The following TEX29 variants were observed in gnomAD, a reference collection of about 807,000 sequenced individuals.
TEX29 encodes the protein testis expressed 29, also known as testis-expressed protein 29.
A neutral mutation model predicts 18.2 loss-of-function variants in TEX29; 26 were observed. The ratio of observed to expected loss-of-function variants is 1.43; its 90% confidence interval spans 1.04 to 1.98. The LOEUF (loss-of-function observed/expected upper bound fraction) is 1.98. TEX29 is among the 30% of genes most tolerant of loss of function. The pLI is 0.00. For missense variants in TEX29, 177 were observed against 194.2 expected (o/e 0.91, Z 0.53); for synonymous variants, 83 against 78.5 (o/e 1.06, Z -0.31).
At chr13:111,318,896 CT>C (rs1247280174), upstream of TEX29, among the ~76,000 whole-genome samples, 2 of 152,224 alleles carry the variant, frequency 1.3e-5, no homozygotes, top group African/African-American at 4.8e-5. Flanking sequence ...ACAGCGGACA[CT>C]TTTTGCTCAC....
chr13:111,334,095 A>G (rs1421594245), intron 3 of TEX29, among the ~76,000 whole-genome samples: 2 of 152,182 alleles, frequency 1.3e-5, no homozygotes, highest in African/African-American at 4.8e-5. Flanking sequence ...GATGATTTCT[A>G]TTAATGGCAT....
chr13:111,322,859 G>A (rs1225270465), intron 2 of TEX29, among the ~76,000 whole-genome samples: 5 of 152,164 alleles, frequency 3.3e-5, no homozygotes, highest in African/African-American at 1.2e-4. Flanking sequence ...CTGGCTTGGA[G>A]TTGGCTCAGG....
chr13:111,318,809 G>A (rs1379937417), upstream of TEX29, among the ~76,000 whole-genome samples: 2 of 152,244 alleles, frequency 1.3e-5, no homozygotes, highest in African/African-American at 4.8e-5. Flanking sequence ...CAGGTCCTCA[G>A]AGGGTGAAAC....
chr13:111,317,819 G>A (rs1039312596), upstream of TEX29, among the ~76,000 whole-genome samples: 3 of 152,136 alleles, frequency 2.0e-5, no homozygotes, highest in African/African-American at 7.2e-5. Context: ...GGGCTCGCAG[G>A]CGCCTTGCTC....
intron 5 of TEX29, 139 bp from the exon 6 acceptor site, chr13:111,343,944 G>A (rs1229122591): frequency 1.4e-6 from 1 of 711,504 alleles, no homozygotes; most frequent in Non-Finnish European, 2.5e-6. Context: ...GGAGGATACG[G>A]CCATCCCCAA....
At chr13:111,326,683 G>GTA (rs1595686579) in intron 2 of TEX29, among the ~76,000 whole-genome samples, 77 of 33,866 alleles carry the variant, frequency 2.3e-3, no homozygotes, top group East Asian at 4.8e-3. Context: ...TGCGGGCAAC[G>GTA]TGAGCCTGGC....
intron 3 of TEX29, among the ~76,000 whole-genome samples, chr13:111,332,913 A>T (rs1290696259): frequency 6.6e-6 from 1 of 152,186 alleles, no homozygotes; most frequent in African/African-American, 2.4e-5. Flanking sequence ...GGTATTTCGT[A>T]TAAAGAAGCT....
chr13:111,329,192 C>G (rs910209435), intron 3 of TEX29, among the ~76,000 whole-genome samples: 8 of 151,958 alleles, frequency 5.3e-5, no homozygotes, highest in Non-Finnish European at 1.0e-4. Flanking sequence ...GAGGGGTGGA[C>G]AGCAGCACGG....
At chr13:111,319,252 A>G (rs1255999566), upstream of TEX29, among the ~76,000 whole-genome samples, 4 of 152,210 alleles carry the variant, frequency 2.6e-5, no homozygotes, top group African/African-American at 7.2e-5. Context: ...ATCTACGTCC[A>G]CACAGAAACT....
intron 2 of TEX29, among the ~76,000 whole-genome samples, chr13:111,322,379 G>A (rs2153641184): frequency 6.6e-6 from 1 of 152,376 alleles, no homozygotes; most frequent in South Asian, 2.1e-4. Flanking sequence ...GCAAGCACGG[G>A]GGAGAAAGCG....
chr13:111,329,020 C>T (rs536233956), intron 3 of TEX29, among the ~76,000 whole-genome samples: 1 of 152,230 alleles, frequency 6.6e-6, no homozygotes, highest in Non-Finnish European at 1.5e-5. Context: ...TGGGCTCCCA[C>T]CTCCTCAGCA....
intron 2 of TEX29, among the ~76,000 whole-genome samples, chr13:111,327,007 C>T (rs1480953990): frequency 6.6e-6 from 1 of 152,150 alleles, no homozygotes; most frequent in Non-Finnish European, 1.5e-5. Flanking sequence ...CCCCAGGCCC[C>T]TCTGAGCCTG....
intron 3 of TEX29, among the ~76,000 whole-genome samples, chr13:111,336,824 C>T (rs375322548): frequency 2.6e-5 from 4 of 152,174 alleles, no homozygotes; most frequent in Non-Finnish European, 2.9e-5. Flanking sequence ...AGACACTGTA[C>T]GGAGCGCATC....
Position 111,320,685 on chromosome 13 carries a change from C to G in TEX29, c.-112C>G, listed in dbSNP as rs938385070. On this transcript the variant is annotated 5_prime_UTR_variant, in exon 1 of 6. Transcript: ENST00000283547. ...AGGGGTGGCCAGTTTGTTGTTTTACCTAAAAGGTGTTTTCCACGTGGAGTG... is the reference window on the plus strand; with the variant it reads ...AGGGGTGGCCAGTTTGTTGTTTTACGTAAAAGGTGTTTTCCACGTGGAGTG... 1.6e-6 allele frequency: 1 copy of G among 634,566 alleles called. No homozygotes were observed. Among genetic ancestry groups the G allele is most frequent in the Non-Finnish European group, 2.8e-6 (1 of 351,592 alleles). The allele number at this position is 634,566 out of a possible 1,614,324, so 39.3% of individuals were successfully genotyped here.
upstream of TEX29, among the ~76,000 whole-genome samples, chr13:111,320,052 T>C (rs2093661262): frequency 6.6e-6 from 1 of 152,162 alleles, no homozygotes; most frequent in East Asian, 1.9e-4. Flanking sequence ...CTCGGCTCCT[T>C]GTGTCTCTCA....
chr13:111,339,743 G>T, intron 3 of TEX29, 120 bp from the exon 4 acceptor site: 2 of 909,950 alleles, frequency 2.2e-6, no homozygotes, highest in Non-Finnish European at 3.6e-6. Flanking sequence ...GAGGAGTGCT[G>T]ACCATGGGCA....
rs143847844 is a variant in TEX29, at chr13:111,333,729, C to G, written c.169+5436C>G. Among the ~76,000 whole-genome samples the G allele has an allele frequency of 5.2e-4, 79 of 151,874 alleles. 1 individual carries two copies. Among genetic ancestry groups the G allele is most frequent in the African/African-American group, 1.2e-3 (48 of 41,168 alleles). On this transcript the variant is annotated intron_variant, in intron 3 of 5. Transcript: ENST00000283547. ...AGGCCTCAGGAAACTTACAATCATG[C>G]CAGAAGGCAAAGGTGAAGCAAGACA...
In TEX29 at chr13:111,332,858, C is replaced by T. The variant is rs184509799; in HGVS notation, c.169+4565C>T. Among the ~76,000 whole-genome samples the T allele has an allele frequency of 2.5e-3, 384 of 152,214 alleles. 1 individual carries two copies. The highest frequency in any genetic ancestry group is 8.5e-3 in the African/African-American group (355 of 41,536). On this transcript the variant is annotated intron_variant, in intron 3 of 5. Transcript: ENST00000283547. ...TCTTTATTACTTCATGTGGATTTGACTTACTGTCTACTTTTCTTTCATTTC... is the reference window on the plus strand; with the variant it reads ...TCTTTATTACTTCATGTGGATTTGATTTACTGTCTACTTTTCTTTCATTTC...
intron 3 of TEX29, among the ~76,000 whole-genome samples, chr13:111,338,474 C>G (rs570121576): frequency 1.3e-5 from 2 of 152,250 alleles, no homozygotes; most frequent in South Asian, 4.1e-4. Flanking sequence ...ATGAGATGAT[C>G]AATTTCTATT....
Sources: allele counts gnomAD v4.1 joint callset (sites outside exome capture counted in the v4.1 genomes callset), GRCh38; gene constraint gnomAD v4.1.1; transcripts MANE v1.5; gene names NCBI Gene and HGNC (gene_info 2026-07-23, HGNC 2026-07-21).